SYNE2: variants seen among roughly 807,000 people sequenced by gnomAD.
SYNE2 encodes spectrin repeat containing nuclear envelope protein 2.
SYNE2 carries 431 observed loss-of-function variants against 856.3 expected under a neutral mutation model. That is an observed-to-expected ratio of 0.50 (90% CI 0.47 to 0.55). SYNE2 has a LOEUF of 0.55. Ranked by LOEUF, SYNE2 falls within the 20% of genes least tolerant of loss-of-function variation. The probability of loss-of-function intolerance (pLI) is 0.00; values close to 1 mark genes in which losing one functional copy is unlikely to be tolerated. For missense variants in SYNE2, 8,129 were observed against 8,023.2 expected (o/e 1.01, Z -0.50); for synonymous variants, 2,923 against 2,872.3 (o/e 1.02, Z -0.56).
At chr14:64,166,343 G>A (rs1195265135) in intron 90 of SYNE2, among the ~76,000 whole-genome samples, 1 of 152,166 alleles carries the variant, frequency 6.6e-6, no homozygotes, top group Non-Finnish European at 1.5e-5. Context: ...CCCTTTTACA[G>A]AAAAAGTTTG....
chr14:63,914,121 C>T, intron 2 of SYNE2, among the ~76,000 whole-genome samples: 1 of 152,036 alleles, frequency 6.6e-6, no homozygotes, highest in East Asian at 1.9e-4. Context: ...TTTATTTGAT[C>T]CTAAAAAAAT....
intron 1 of SYNE2, among the ~76,000 whole-genome samples, chr14:63,769,248 T>C (rs1289493334): frequency 6.6e-6 from 1 of 152,168 alleles, no homozygotes; most frequent in Non-Finnish European, 1.5e-5. Context: ...TGGGGAACAA[T>C]CTAAGAATAG....
At chr14:64,172,443 C>T (rs1031017826) in intron 94 of SYNE2, among the ~76,000 whole-genome samples, 1 of 152,186 alleles carries the variant, frequency 6.6e-6, no homozygotes, top group African/African-American at 2.4e-5. Flanking sequence ...CCTTGGGCAT[C>T]ATTCTCTGTT....
intron 1 of SYNE2, among the ~76,000 whole-genome samples, chr14:63,792,676 TG>T (rs553687580): frequency 8.2e-5 from 5 of 60,784 alleles, no homozygotes; most frequent in Non-Finnish European, 3.0e-4. Context: ...TTTGTTTGTT[TG>T]TTTTTTAGAG....
intron 61 of SYNE2, among the ~76,000 whole-genome samples, chr14:64,097,537 G>A (rs1055958645): frequency 2.6e-5 from 4 of 152,238 alleles, no homozygotes; most frequent in Admixed American, 1.3e-4. Context: ...TCTGCATAAG[G>A]CACTTATGCA....
At chr14:63,822,158 T>G (rs1170088016) in intron 1 of SYNE2, among the ~76,000 whole-genome samples, 1 of 151,434 alleles carries the variant, frequency 6.6e-6, no homozygotes, top group Non-Finnish European at 1.5e-5. Context: ...ACCATTTCAC[T>G]CCAGCCCGGG....
rs768320554 is a variant in SYNE2, at chr14:64,225,465, A to T, written c.20663A>T (p.Asn6888Ile). The T allele has an allele frequency of 6.2e-7, 1 of 1,614,084 alleles. No individual in the cohort carries two copies. Among genetic ancestry groups the T allele is most frequent in the African/African-American group, 1.3e-5 (1 of 74,938 alleles). Reference protein sequence around the residue: ...SEEDYSCTQANNFARSFYPML... With the variant: ...SEEDYSCTQAINFARSFYPML... Reference sequence around the variant, plus strand: ...GAAGACTACAGCTGCACTCAGGCCAACAACTTTGCCCGGTCCTTTTACCCC... The same window carrying T: ...GAAGACTACAGCTGCACTCAGGCCATCAACTTTGCCCGGTCCTTTTACCCC... The change falls in exon 116 of 116, where the codon AAC (asparagine) becomes ATC (isoleucine). Residue 6888 changes from asparagine to isoleucine, a missense_variant. Asn to Ile is a moderately radical substitution (Grantham distance 149). This residue lies in a region of SYNE2 where 5,410 missense variants were observed against 5,284.8 expected (regional missense o/e 1.02). Coordinates refer to ENST00000555002, the MANE Select transcript of SYNE2 (RefSeq NM_182914.3).
At chr14:63,796,681 A>C (rs1887927073) in intron 1 of SYNE2, among the ~76,000 whole-genome samples, 1 of 152,044 alleles carries the variant, frequency 6.6e-6, no homozygotes, top group Non-Finnish European at 1.5e-5. Context: ...GTTGTACGGC[A>C]GGAGGCAATA....
rs1472963876 is a variant in SYNE2, at chr14:63,977,768, A to AT, written c.1294-136dup. 5.8e-6 allele frequency: 4 copies of AT among 684,316 alleles called. No homozygotes were observed. The African/African-American group carries it at 7.1e-5, about 12-fold the overall frequency. 42.4% of individuals were successfully genotyped at this position (684,316 alleles called of 1,614,324 possible). A position where few individuals can be genotyped will look rare whatever the true frequency, so the allele number is the denominator to read the frequency against. Reference sequence around the variant, plus strand: ...GAGCGAGACCCTGTGTCTTAAAACAATAAAAAAAAGGTGGGTTGTGGGGAG... The same window carrying AT: ...GAGCGAGACCCTGTGTCTTAAAACAATTAAAAAAAAGGTGGGTTGTGGGGAG... On this transcript the variant is annotated intron_variant, in intron 12 of 115. Coordinates refer to ENST00000555002, the MANE Select transcript of SYNE2 (RefSeq NM_182914.3).
At chr14:63,905,888 G>A (rs1374369451) in intron 1 of SYNE2, among the ~76,000 whole-genome samples, 1 of 152,156 alleles carries the variant, frequency 6.6e-6, no homozygotes, top group Non-Finnish European at 1.5e-5. Flanking sequence ...CTCTCAGGGG[G>A]AATTGTTCCA....
At chr14:63,857,781 A>T (rs1383678183) in intron 1 of SYNE2, among the ~76,000 whole-genome samples, 1 of 152,058 alleles carries the variant, frequency 6.6e-6, no homozygotes, top group African/African-American at 2.4e-5. Flanking sequence ...GTCTACTCAA[A>T]TTTTTTGCCC....
intron 57 of SYNE2, among the ~76,000 whole-genome samples, chr14:64,087,113 G>C (rs199733891): frequency 2.6e-5 from 1 of 37,832 alleles, no homozygotes; most frequent in Admixed American, 2.4e-4. Context: ...AAAAAAAAAA[G>C]CATTGGTTTT....
chr14:63,928,638 TG>T (rs2095703297), intron 2 of SYNE2, among the ~76,000 whole-genome samples: 1 of 152,250 alleles, frequency 6.6e-6, no homozygotes. Context: ...TGATTGTACA[TG>T]CCTGTGTGTT....
At chr14:64,075,874 C>T in intron 53 of SYNE2, 71 bp from the exon 54 acceptor site, 2 of 1,546,422 alleles carry the variant, frequency 1.3e-6, no homozygotes, top group Non-Finnish European at 1.8e-6. Flanking sequence ...TGCTGGAAGG[C>T]TGCTTTCACT....
chr14:64,137,486 G>T (rs759410134), intron 78 of SYNE2, among the ~76,000 whole-genome samples: 12 of 152,048 alleles, frequency 7.9e-5, no homozygotes, highest in Non-Finnish European at 1.3e-4. Context: ...GCAGACCTCA[G>T]GTGATCTGCC....
intron 99 of SYNE2, chr14:64,190,526 T>A: frequency 1.5e-6 from 1 of 676,424 alleles, no homozygotes; most frequent in South Asian, 1.6e-5. Context: ...GGAGGGGGTA[T>A]TGTTTAGAAA....
chr14:64,102,695 C>G (rs377141558), intron 64 of SYNE2, among the ~76,000 whole-genome samples: 1 of 151,756 alleles, frequency 6.6e-6, no homozygotes, highest in Non-Finnish European at 1.5e-5. Context: ...TTTAAGTATA[C>G]AATACATTAT....
At position 64,026,561 on chromosome 14, in the gene SYNE2, C is replaced by T. The variant is rs892022766; in HGVS notation, c.6253-18C>T. 3.1e-6 allele frequency: 5 copies of T among 1,597,186 alleles called. No individual in the cohort carries two copies. The highest frequency in any genetic ancestry group is 2.2e-5 in the East Asian group (1 of 44,576). On this transcript the variant is annotated intron_variant, in intron 41 of 115. Coordinates refer to ENST00000555002, the MANE Select transcript of SYNE2 (RefSeq NM_182914.3). ...AGTAATGCAAATGACATTATAAAAT[C>T]TCTTTTATTTAATTCAGGAAATCAT...
At chr14:63,775,419 G>A (rs559538474) in intron 1 of SYNE2, among the ~76,000 whole-genome samples, 140 of 152,078 alleles carry the variant, frequency 9.2e-4, no homozygotes, top group Middle Eastern at 3.4e-3. Context: ...GGGATTACAG[G>A]TGCCTGCCAC....
Sources: allele counts gnomAD v4.1 joint callset (sites outside exome capture counted in the v4.1 genomes callset), GRCh38; gene constraint gnomAD v4.1.1; regional missense constraint gnomAD v4.1.1; transcripts MANE v1.5; gene names NCBI Gene and HGNC (gene_info 2026-07-23, HGNC 2026-07-21).